Variants in INSYN1 observed in about 807,000 individuals in gnomAD.
The protein encoded by INSYN1 is UPF0583 protein C15orf59.
A neutral mutation model predicts 17.1 loss-of-function variants in INSYN1; 7 were observed. That is an observed-to-expected ratio of 0.41 (90% CI 0.23 to 0.77). The LOEUF is 0.77. INSYN1 is among the 30% of genes least tolerant of loss of function. The pLI, the probability that INSYN1 is intolerant of heterozygous loss-of-function variation, is 0.32. For synonymous variants in INSYN1, 174 were observed against 166.3 expected (o/e 1.05, Z -0.36); for missense variants, 339 against 400.6 (o/e 0.85, Z 1.31).
intron 2 of INSYN1, among the ~76,000 whole-genome samples, chr15:73,747,560 G>C (rs1337604976): frequency 1.3e-5 from 2 of 152,214 alleles, no homozygotes; most frequent in South Asian, 4.1e-4. Context: ...CAACCCTGGG[G>C]CAGGGGTAGG....
In INSYN1 at chr15:73,752,911, G is replaced by GGAGGA. The variant is rs1336459885; in HGVS notation, c.-1374_-1370dup. The stretch of plus-strand genomic sequence containing the variant: ...GGCGCAGGCGGGAGCAGCGCCGGGC[G>GGAGGA]GAGGAGAGGAGAGGAGGCGAGAAGA... On this transcript the variant is annotated 5_prime_UTR_variant, in exon 1 of 3. Transcript: ENST00000569673. This position sits in a 1 kb window ranked among gnomAD's most constrained non-coding sequence, Gnocchi z 5.2. Among the ~76,000 whole-genome samples the GGAGGA allele has an allele frequency of 2.3e-4, 35 of 150,576 alleles. 1 individual carries two copies. Among genetic ancestry groups the GGAGGA allele is most frequent in the Admixed American group, 1.9e-3 (29 of 15,168 alleles).
chr15:73,749,670 A>G (rs926421839), intron 2 of INSYN1, among the ~76,000 whole-genome samples: 1 of 152,182 alleles, frequency 6.6e-6, no homozygotes, highest in Non-Finnish European at 1.5e-5. Flanking sequence ...TGATCTCCAA[A>G]TTGTACTGTC....
At chr15:73,750,462 G>A (rs565611959) in intron 2 of INSYN1, among the ~76,000 whole-genome samples, 1 of 152,268 alleles carries the variant, frequency 6.6e-6, no homozygotes, top group South Asian at 2.1e-4. Flanking sequence ...GGACATAGCT[G>A]GCTTAAATTT....
chr15:73,742,563 C>A (rs1202196407), intron 2 of INSYN1, among the ~76,000 whole-genome samples: 1 of 152,146 alleles, frequency 6.6e-6, no homozygotes, highest in Non-Finnish European at 1.5e-5. Flanking sequence ...GCACTAGTCC[C>A]TGGAAAGCTG....
At chr15:73,746,573 G>T (rs1901840412) in intron 2 of INSYN1, among the ~76,000 whole-genome samples, 1 of 152,176 alleles carries the variant, frequency 6.6e-6, no homozygotes, top group African/African-American at 2.4e-5. Context: ...ATGCCAGGAT[G>T]ACTGCTTCCT....
chr15:73,740,649 A>G lies in INSYN1; in HGVS notation c.157-7T>C. The G allele has an allele frequency of 6.3e-7, 1 of 1,597,906 alleles. No homozygotes were observed. The highest frequency in any genetic ancestry group is 8.5e-7 in the Non-Finnish European group (1 of 1,170,856). ...TATCGATCTGGCTCACCACCTGACC[A>G]GGGAAGGGGAGAGGAGATGAGAGGG... On this transcript the variant is annotated splice_region_variant and splice_polypyrimidine_tract_variant and intron_variant, in intron 2 of 2. Transcript: ENST00000569673.
At chr15:73,750,417 G>A (rs1405646533) in intron 2 of INSYN1, among the ~76,000 whole-genome samples, 2 of 152,188 alleles carry the variant, frequency 1.3e-5, no homozygotes, top group African/African-American at 2.4e-5. Context: ...ATCCACTACA[G>A]CACCCCCAGA....
intron 2 of INSYN1, among the ~76,000 whole-genome samples, chr15:73,741,843 T>A (rs141371870): frequency 1.3e-5 from 2 of 152,332 alleles, no homozygotes; most frequent in Non-Finnish European, 2.9e-5. Flanking sequence ...TAAGGGCTGC[T>A]GCTGTCCAGG....
chr15:73,743,439 A>T (rs1419976152), intron 2 of INSYN1, among the ~76,000 whole-genome samples: 1 of 152,136 alleles, frequency 6.6e-6, no homozygotes, highest in Non-Finnish European at 1.5e-5. Flanking sequence ...GAGAGACCTT[A>T]GGCAGATGAT....
chr15:73,740,252 G>T lies in INSYN1; in HGVS notation c.547C>A (p.Arg183=). Reference sequence around the variant, plus strand: ...TTGTCACTGAACCGCACCCTCTCCCGTGTCCCTGGGGTCCGCTGGGGCAGC... The same window carrying T: ...TTGTCACTGAACCGCACCCTCTCCCTTGTCCCTGGGGTCCGCTGGGGCAGC... ...SQLPQRTPGT[R]ERVRFSDKVL... Residue 183 remains arginine, a synonymous_variant, in exon 3 of 3, where the codon CGG becomes AGG. Transcript: ENST00000569673. The T allele has an allele frequency of 6.2e-7, 1 of 1,613,900 alleles. No individual in the cohort carries two copies. The highest frequency in any genetic ancestry group is 1.1e-5 in the South Asian group (1 of 91,082).
rs1256005338 is a variant in INSYN1 at position 73,737,235 on chromosome 15, CCTGA to C, written c.*2678_*2681del. 1 of 152,190 alleles carries C rather than the reference CCTGA, an allele frequency of 6.6e-6. No individual in the cohort carries two copies. Among genetic ancestry groups the C allele is most frequent in the Non-Finnish European group, 1.5e-5 (1 of 68,052 alleles). 9.4% of individuals were successfully genotyped at this position (152,190 alleles called of 1,614,324 possible). On this transcript the variant is annotated 3_prime_UTR_variant, in exon 3 of 3. Coordinates refer to ENST00000569673, the MANE Select transcript of INSYN1 (RefSeq NM_001039614.3). ...CGAACTATTCCATAGGTTTCTTTTCCCTGACTGTTGAAAAGATGAGAAACTGTGA... is the reference window on the plus strand; with the variant it reads ...CGAACTATTCCATAGGTTTCTTTTCCCTGTTGAAAAGATGAGAAACTGTGA...
chr15:73,748,395 C>G (rs768976901), intron 2 of INSYN1, among the ~76,000 whole-genome samples: 1 of 152,140 alleles, frequency 6.6e-6, no homozygotes, highest in Non-Finnish European at 1.5e-5. Flanking sequence ...GCCCCCCACC[C>G]CCAACAGTCT....
Position 73,740,339 on chromosome 15 carries a change from C to T in INSYN1, c.460G>A (p.Val154Met). Reference sequence around the variant, plus strand: ...TCACTGGAGGAGTCTGGGGTCTCCACTCGTGGCCCATTGGGGATGGGCGTG... The same window carrying T: ...TCACTGGAGGAGTCTGGGGTCTCCATTCGTGGCCCATTGGGGATGGGCGTG... ...GGTPIPNGPR[V>M]ETPDSSSEEA... Residue 154 changes from valine to methionine, a missense_variant, in exon 3 of 3, where the codon GTG (valine) becomes ATG (methionine). By Grantham distance (21) the Val-to-Met change is conservative (BLOSUM62 1). Transcript: ENST00000569673. 6.2e-7 allele frequency: 1 copy of T among 1,608,844 alleles called. No homozygotes were observed. The highest frequency in any genetic ancestry group is 8.5e-7 in the Non-Finnish European group (1 of 1,177,452).
intron 2 of INSYN1, among the ~76,000 whole-genome samples, chr15:73,749,272 G>A (rs758807711): frequency 6.6e-6 from 1 of 152,166 alleles, no homozygotes; most frequent in Admixed American, 6.5e-5. Flanking sequence ...TCTGCCACTG[G>A]TAGGCTGTGT....
chr15:73,743,690 C>T (rs1031073673), intron 2 of INSYN1, among the ~76,000 whole-genome samples: 2 of 150,798 alleles, frequency 1.3e-5, no homozygotes, highest in Non-Finnish European at 3.0e-5. Context: ...ATTAGCTGGG[C>T]GTGGTGGTGC....
In INSYN1 at chr15:73,740,267, G is replaced by A. The variant is rs377764222; in HGVS notation, c.532C>T (p.Arg178Trp). The change falls in exon 3 of 3, where the codon CGG (arginine) becomes TGG (tryptophan). Residue 178 changes from arginine to tryptophan, a missense_variant. Physicochemically the swap from Arg to Trp is moderately radical, Grantham distance 101 (BLOSUM62 -3). Coordinates refer to ENST00000569673, the MANE Select transcript of INSYN1 (RefSeq NM_001039614.3). The part of the protein sequence containing the change: ...GPTVKSQLPQ[R>W]TPGTRERVRF... ...ACCCTCTCCCGTGTCCCTGGGGTCC[G>A]CTGGGGCAGCTGGCTCTTCACCGTG... 6 of 1,613,734 alleles carry A rather than the reference G, an allele frequency of 3.7e-6. No homozygotes were observed. Among genetic ancestry groups the A allele is most frequent in the African/African-American group, 1.3e-5 (1 of 75,054 alleles).
At chr15:73,747,190 G>A (rs969713640) in intron 2 of INSYN1, among the ~76,000 whole-genome samples, 1 of 152,192 alleles carries the variant, frequency 6.6e-6, no homozygotes, top group African/African-American at 2.4e-5. Context: ...TCTTCCCCTA[G>A]ATAGCCATGT....
chr15:73,748,035 C>G (rs1261676390), intron 2 of INSYN1, among the ~76,000 whole-genome samples: 2 of 152,136 alleles, frequency 1.3e-5, no homozygotes, highest in African/African-American at 4.8e-5. Flanking sequence ...GAGGGAACTT[C>G]AACTCTTCTA....
intron 2 of INSYN1, among the ~76,000 whole-genome samples, chr15:73,741,403 T>G (rs1023689458): frequency 6.6e-6 from 1 of 152,224 alleles, no homozygotes; most frequent in African/African-American, 2.4e-5. Context: ...CCAGAGCTGC[T>G]TGTTCAATGC....
Sources: gnomAD v4.1 joint callset for allele counts (sites outside exome capture counted in the v4.1 genomes callset) on GRCh38, gnomAD v4.1.1 for gene constraint, Gnocchi (gnomAD v3.1) non-coding constraint, MANE v1.5 for transcripts, NCBI Gene and HGNC (gene_info 2026-07-23, HGNC 2026-07-21) for gene names.